Variants in GLP1R observed in about 807,000 individuals in gnomAD.
GLP1R encodes glucagon like peptide 1 receptor.
Under a neutral mutation model 68.4 loss-of-function variants are expected in GLP1R, and 32 were observed. The ratio of observed to expected loss-of-function variants is 0.47; its 90% confidence interval spans 0.35 to 0.63. GLP1R has a LOEUF of 0.63. GLP1R is among the 20% of genes least tolerant of loss of function. The pLI, the probability that GLP1R is intolerant of heterozygous loss-of-function variation, is 0.00. For missense variants in GLP1R, 502 were observed against 594.9 expected, an observed-to-expected ratio of 0.84 and a Z score of 1.62; for synonymous variants, 263 against 244.4, an observed-to-expected ratio of 1.08 and a Z score of -0.71.
intron 1 of GLP1R, among the ~76,000 whole-genome samples, chr6:39,055,727 T>TTGG (rs1554168682): frequency 1.8e-5 from 2 of 113,306 alleles, no homozygotes; most frequent in East Asian, 2.8e-4. Flanking sequence ...GGGGAGGGGG[T>TTGG]GGGGGGTGCT....
intron 1 of GLP1R, among the ~76,000 whole-genome samples, chr6:39,052,311 G>A (rs749398201): frequency 7.2e-5 from 11 of 152,184 alleles, no homozygotes; most frequent in Non-Finnish European, 1.6e-4. Context: ...AAAGAGACAG[G>A]GGTCTGTTGA....
intron 3 of GLP1R, among the ~76,000 whole-genome samples, chr6:39,061,100 A>G (rs937160626): frequency 6.6e-6 from 1 of 152,246 alleles, no homozygotes; most frequent in Non-Finnish European, 1.5e-5. Flanking sequence ...ACATGGGGCC[A>G]GGCCACGGGC....
In GLP1R at chr6:39,048,795, G is replaced by A. The variant is rs1768020379; in HGVS notation, c.-46G>A. On this transcript the variant is annotated 5_prime_UTR_variant, in exon 1 of 13. Transcript: ENST00000373256. The stretch of plus-strand genomic sequence containing the variant: ...ACCAGCCCGGGATCAGTCTCCGCAC[G>A]CGGTTCCGCAGGTGGCAGCGATGGC... 3.4e-6 allele frequency: 3 copies of A among 887,962 alleles called. No individual in the cohort carries two copies. Among genetic ancestry groups the A allele is most frequent in the African/African-American group, 1.7e-5 (1 of 57,310 alleles). 55.0% of individuals were successfully genotyped at this position (887,962 alleles called of 1,614,324 possible).
rs767727320 is a variant in GLP1R, at chr6:39,089,615, CGTGT to C, written c.*3551_*3554del. Reference sequence around the variant, plus strand: ...GCAAGGAAAGAACATTGCATGTGGGCGTGTGTGTGTGTATGTGTGTGCATGTGTG... The same window carrying C: ...GCAAGGAAAGAACATTGCATGTGGGCGTGTGTGTATGTGTGTGCATGTGTG... On this transcript the variant is annotated 3_prime_UTR_variant, in exon 13 of 13. Coordinates refer to ENST00000373256, the MANE Select transcript of GLP1R (RefSeq NM_002062.5). This position sits in a 1 kb window ranked among gnomAD's most constrained non-coding sequence, Gnocchi z 4.1. Among the ~76,000 whole-genome samples the C allele has an allele frequency of 4.6e-5, 7 of 151,848 alleles. No homozygotes were observed. Among genetic ancestry groups the C allele is most frequent in the Non-Finnish European group, 8.8e-5 (6 of 67,934 alleles).
chr6:39,081,226 C>A (rs909487147), intron 12 of GLP1R, among the ~76,000 whole-genome samples: 1 of 152,158 alleles, frequency 6.6e-6, no homozygotes, highest in Non-Finnish European at 1.5e-5. Context: ...GAGTCAGGAA[C>A]CTGCCCTAGG....
intron 6 of GLP1R, 83 bp downstream of exon 6, chr6:39,073,098 CAGG>C: frequency 1.5e-6 from 2 of 1,306,062 alleles, no homozygotes; most frequent in South Asian, 2.6e-5. Context: ...AGGCCTGGGA[CAGG>C]AGAAGACAAG....
intron 3 of GLP1R, among the ~76,000 whole-genome samples, chr6:39,065,474 G>C (rs1296784721): frequency 6.6e-6 from 1 of 152,216 alleles, no homozygotes; most frequent in African/African-American, 2.4e-5. Flanking sequence ...AGGAGCCCCT[G>C]CCTTGGTGGC....
chr6:39,057,468 C>A lies in GLP1R; in HGVS notation c.176-4C>A. 6.2e-7 allele frequency: 1 copy of A among 1,601,326 alleles called. No homozygotes were observed. On this transcript the variant is annotated splice_region_variant and splice_polypyrimidine_tract_variant and intron_variant, in intron 2 of 12. Coordinates refer to ENST00000373256, the MANE Select transcript of GLP1R (RefSeq NM_002062.5). ...GACTCAGAGACTGTTCTTTCTGCTC[C>A]CAGACTTGTTCTGCAACCGGACCTT... is the stretch of plus-strand genomic sequence containing the variant.
chr6:39,073,087 C>A, intron 6 of GLP1R, 72 bp downstream of exon 6: 1 of 1,403,542 alleles, frequency 7.1e-7, no homozygotes, highest in Non-Finnish European at 9.9e-7. Flanking sequence ...CCACCCTAGA[C>A]AGGCCTGGGA....
intron 1 of GLP1R, among the ~76,000 whole-genome samples, chr6:39,054,078 C>T (rs887468650): frequency 1.3e-5 from 2 of 152,118 alleles, no homozygotes; most frequent in Non-Finnish European, 2.9e-5. Context: ...GTCCCCAATC[C>T]CTCAGGCCTC....
Position 39,056,452 on chromosome 6 carries a change from A to G in GLP1R, c.134A>G (p.Gln45Arg), listed in dbSNP as rs1290269769. 6.2e-7 allele frequency: 1 copy of G among 1,610,660 alleles called. No individual in the cohort carries two copies. Among genetic ancestry groups the G allele is most frequent in the Admixed American group, 1.7e-5 (1 of 60,014 alleles). Reference sequence around the variant, plus strand: ...CAGAAATGGCGAGAATACCGACGCCAGTGCCAGCGCTCCCTGACTGAGGAT... The same window carrying G: ...CAGAAATGGCGAGAATACCGACGCCGGTGCCAGCGCTCCCTGACTGAGGAT... ...TVQKWREYRRQCQRSLTEDPP... is the reference protein window; with the variant it reads ...TVQKWREYRRRCQRSLTEDPP... The change falls in exon 2 of 13, where the codon CAG becomes CGG. Residue 45 changes from glutamine to arginine, a missense_variant. By Grantham distance (43) the Gln-to-Arg change is conservative (BLOSUM62 1). Coordinates refer to ENST00000373256, the MANE Select transcript of GLP1R (RefSeq NM_002062.5).
At chr6:39,056,620 C>T in intron 2 of GLP1R, 127 bp downstream of exon 2, 1 of 575,782 alleles carries the variant, frequency 1.7e-6, no homozygotes, top group South Asian at 2.3e-5. Context: ...TGCCCTCTGC[C>T]TTCATCTCAT....
rs200853463 is a variant in GLP1R at position 39,079,597 on chromosome 6, G to T, written c.1077G>T (p.Leu359=). 11 of 1,607,520 alleles carry T rather than the reference G, an allele frequency of 6.8e-6. No individual in the cohort carries two copies. The East Asian group carries it at 2.5e-4, about 36-fold the overall frequency. ...AGTCCACGCTGACACTCATCCCCCT[G>T]CTGGGGACTCATGAGGTCATCTTTG... The part of the protein sequence containing the change: ...LAKSTLTLIP[L]LGTHEVIFAF... Residue 359 remains leucine (L), a synonymous_variant, in exon 11 of 13, where the codon CTG becomes CTT. Transcript: ENST00000373256. This position sits in a 1 kb window ranked among gnomAD's most constrained non-coding sequence, Gnocchi z 4.5.
intron 7 of GLP1R, among the ~76,000 whole-genome samples, chr6:39,075,867 G>C (rs1446310989): frequency 6.6e-6 from 1 of 152,226 alleles, no homozygotes; most frequent in Admixed American, 6.5e-5. Flanking sequence ...CATGGAGGCT[G>C]TGCAAGAGGG....
At chr6:39,054,850 C>T (rs771237948) in intron 1 of GLP1R, among the ~76,000 whole-genome samples, 8 of 152,210 alleles carry the variant, frequency 5.3e-5, no homozygotes, top group African/African-American at 9.6e-5. Flanking sequence ...AGAAGGGAAA[C>T]GGGGCGGTGG....
At chr6:39,081,628 T>G (rs2300612) in intron 12 of GLP1R, among the ~76,000 whole-genome samples, 11,829 of 152,200 alleles carry the variant, frequency 0.078, 884 homozygotes, top group East Asian at 0.4. Flanking sequence ...TTAATAGGCT[T>G]GTCTTTTTCT....
rs1396099712 is a variant in GLP1R, at chr6:39,087,467, C to T, written c.*1394C>T. 6.6e-6 allele frequency: 1 copy of T among 152,276 alleles called. No homozygotes were observed. The allele number at this position is 152,276 out of a possible 1,614,324, so 9.4% of individuals were successfully genotyped here. A position where few individuals can be genotyped will look rare whatever the true frequency, so the allele number is the denominator to read the frequency against. On this transcript the variant is annotated 3_prime_UTR_variant, in exon 13 of 13. Coordinates refer to ENST00000373256, the MANE Select transcript of GLP1R (RefSeq NM_002062.5). ...CAGCAGCACTGCAGATAGCCAGACA[C>T]ATGGCTATCCTAGAGAGGCTGGCAA...
At chr6:39,082,998 CA>C (rs1269353218) in intron 12 of GLP1R, among the ~76,000 whole-genome samples, 2 of 152,162 alleles carry the variant, frequency 1.3e-5, no homozygotes, top group Non-Finnish European at 2.9e-5. Flanking sequence ...TCCATCCTTC[CA>C]AGCCTAGTCA....
At position 39,085,625 on chromosome 6, in the gene GLP1R, T is replaced by A. The variant is rs529743014; in HGVS notation, c.1225-281T>A. On this transcript the variant is annotated intron_variant, in intron 12 of 12. Coordinates refer to ENST00000373256, the MANE Select transcript of GLP1R (RefSeq NM_002062.5). ...CATTCTCTTCCGTTAAATAATACTGTGATGGATTGTAAAAGGTACTTAGCT... is the reference window on the plus strand; with the variant it reads ...CATTCTCTTCCGTTAAATAATACTGAGATGGATTGTAAAAGGTACTTAGCT... 1.0e-3 allele frequency among the ~76,000 whole-genome samples: 152 copies of A among 152,274 alleles called. 9 individuals are homozygous for A. The South Asian group carries it at 0.031, about 31-fold the overall frequency.
Sources: gnomAD v4.1 joint callset for allele counts (sites outside exome capture counted in the v4.1 genomes callset) on GRCh38, gnomAD v4.1.1 for gene constraint, Gnocchi (gnomAD v3.1) non-coding constraint, MANE v1.5 for transcripts, NCBI Gene and HGNC (gene_info 2026-07-23, HGNC 2026-07-21) for gene names.